Variants in FRMD1 observed in about 807,000 individuals in gnomAD.
The protein encoded by FRMD1 is FERM domain-containing protein 1.
FRMD1 carries 51 observed loss-of-function variants against 54.9 expected under a neutral mutation model. That is an observed-to-expected ratio of 0.93 (90% CI 0.74 to 1.17). The LOEUF (loss-of-function observed/expected upper bound fraction) is 1.17, where lower values mean the gene tolerates loss of function less well. Among genes scored for constraint, FRMD1 ranks in the 50% most tolerant of loss-of-function variants. The pLI, the probability that FRMD1 is intolerant of heterozygous loss-of-function variation, is 0.00. For synonymous variants in FRMD1, 324 were observed against 306.4 expected (o/e 1.06, Z -0.60); for missense variants, 729 against 743.0 (o/e 0.98, Z 0.22).
intron 1 of FRMD1, among the ~76,000 whole-genome samples, chr6:168,090,564 G>A (rs577133621): frequency 2.0e-5 from 3 of 152,318 alleles, no homozygotes; most frequent in South Asian, 2.1e-4. Flanking sequence ...GAGGCCTGTC[G>A]CAAGCCTGCA....
chr6:168,075,820 G>C, intron 1 of FRMD1: 1 of 1,547,136 alleles, frequency 6.5e-7, no homozygotes, highest in South Asian at 1.2e-5. Context: ...TAAACACCCA[G>C]CGTCTGGTGC....
At chr6:168,081,979 G>C (rs9455946), upstream of FRMD1, 44,832 of 154,732 alleles carry the variant, frequency 0.29, 7,483 homozygotes, top group South Asian at 0.55. Flanking sequence ...AAGCCTTCAA[G>C]ATACGGCAGG....
chr6:168,080,791 C>T (rs893188617), upstream of FRMD1, among the ~76,000 whole-genome samples: 3 of 151,718 alleles, frequency 2.0e-5, no homozygotes, highest in Non-Finnish European at 4.4e-5. Flanking sequence ...CGATGGTTCC[C>T]CACGTGTGTG....
At position 168,078,939 on chromosome 6, in the gene FRMD1, T is replaced by G. The variant is rs569417606; in HGVS notation, c.156A>C (p.Glu52Asp). 6.8e-6 allele frequency: 11 copies of G among 1,609,196 alleles called. No individual in the cohort carries two copies. In the South Asian group the frequency reaches 1.2e-4, roughly 18 times the overall value. ...PTLGMDAMASEHRDVLVLLPS... is the reference protein window; with the variant it reads ...PTLGMDAMASDHRDVLVLLPS... ...GCAGCAGCACGAGGACATCCCTGTGTTCCGAGGCCATCGCGTCCATTCCCA... is the reference window on the plus strand; with the variant it reads ...GCAGCAGCACGAGGACATCCCTGTGGTCCGAGGCCATCGCGTCCATTCCCA... The change falls in exon 1 of 11, where the codon GAA becomes GAC. Residue 52 changes from glutamate (E) to aspartate (D), a missense_variant. Glu to Asp is a conservative substitution (Grantham distance 45, BLOSUM62 2). Coordinates refer to ENST00000283309, the MANE Select transcript of FRMD1 (RefSeq NM_024919.6).
chr6:168,062,963 G>A lies in FRMD1; in HGVS notation c.805-4C>T. 6.2e-7 allele frequency: 1 copy of A among 1,613,568 alleles called. No individual in the cohort carries two copies. The highest frequency in any genetic ancestry group is 8.5e-7 in the Non-Finnish European group (1 of 1,179,500). On this transcript the variant is annotated splice_region_variant and splice_polypyrimidine_tract_variant and intron_variant, in intron 6 of 10. Transcript: ENST00000283309. ...TGGGACGACCTTCCTTCTTATCCTAGAGGACACAGGTCAGAGGTCAAGTTG... is the reference window on the plus strand; with the variant it reads ...TGGGACGACCTTCCTTCTTATCCTAAAGGACACAGGTCAGAGGTCAAGTTG...
chr6:168,078,768 GGCCCTGCTC>G, intron 1 of FRMD1, 105 bp downstream of exon 1: 3 of 79,006 alleles, frequency 3.8e-5, no homozygotes, highest in East Asian at 2.1e-4. Context: ...GGCCATCCAG[GGCCCTGCTC>G]ACCCCCACGG....
Position 168,059,092 on chromosome 6 carries a change from C to T in FRMD1, c.1407+32G>A. ...AGGAGAAGGGGGTGGAGGAGCAGGG[C>T]CAGGGCTTCTGGCCCGTGGGGGGGA... On this transcript the variant is annotated intron_variant, in intron 10 of 10. Transcript: ENST00000283309. The surrounding 1 kb of genome is among the most constrained non-coding windows in gnomAD (Gnocchi z 4.4). 6 of 1,528,822 alleles carry T rather than the reference C, an allele frequency of 3.9e-6. No homozygotes were observed. Among genetic ancestry groups the T allele is most frequent in the South Asian group, 1.2e-5 (1 of 84,176 alleles). 94.7% of individuals were successfully genotyped at this position (1,528,822 alleles called of 1,614,324 possible). A position where few individuals can be genotyped will look rare whatever the true frequency, so the allele number is the denominator to read the frequency against.
At chr6:168,058,920 G>C (rs974264043) in intron 10 of FRMD1, among the ~76,000 whole-genome samples, 90 of 152,148 alleles carry the variant, frequency 5.9e-4, no homozygotes, top group African/African-American at 2.1e-3. Flanking sequence ...ACTCGGCCCT[G>C]AGGCTGAGGC....
At chr6:168,064,134 G>A (rs1416704316) in intron 5 of FRMD1, among the ~76,000 whole-genome samples, 1 of 152,228 alleles carries the variant, frequency 6.6e-6, no homozygotes, top group African/African-American at 2.4e-5. Context: ...CACTGAGGGT[G>A]GAAATGTGCT....
chr6:168,084,919 A>G (rs1465217277), upstream of FRMD1, among the ~76,000 whole-genome samples: 1 of 152,126 alleles, frequency 6.6e-6, no homozygotes, highest in Non-Finnish European at 1.5e-5. Flanking sequence ...TGGCAGCAGA[A>G]AAGGTTGAGG....
chr6:168,086,509 G>A (rs1188245389), upstream of FRMD1, among the ~76,000 whole-genome samples: 7 of 143,720 alleles, frequency 4.9e-5, no homozygotes, highest in Admixed American at 2.1e-4. Context: ...CATCCACAGC[G>A]TGGACACTGC....
At position 168,057,283 on chromosome 6, in the gene FRMD1, G is replaced by A. The variant is rs1413353783; in HGVS notation, c.1464C>T (p.Asp488=). ...SEEQHSHGLD[D]MQLHQLALHP... is the part of the protein sequence containing the mutation. ...GCAGGGCCAGCTGGTGCAGCTGCATGTCGTCCAGGCCATGGCTGTGCTGCT... is the reference window on the plus strand; with the variant it reads ...GCAGGGCCAGCTGGTGCAGCTGCATATCGTCCAGGCCATGGCTGTGCTGCT... Residue 488 remains aspartate, a synonymous_variant, in exon 11 of 11, where the codon GAC becomes GAT. Coordinates refer to ENST00000283309, the MANE Select transcript of FRMD1 (RefSeq NM_024919.6). The A allele has an allele frequency of 3.7e-6, 6 of 1,612,556 alleles. No homozygotes were observed. Among genetic ancestry groups the A allele is most frequent in the Non-Finnish European group, 3.4e-6 (4 of 1,179,740 alleles).
chr6:168,065,649 A>G, intron 4 of FRMD1: 1 of 986,542 alleles, frequency 1.0e-6, no homozygotes, highest in Non-Finnish European at 1.2e-6. Context: ...AGAACCTTCC[A>G]CATATTCACA....
At chr6:168,082,401 C>T (rs940962718), upstream of FRMD1, among the ~76,000 whole-genome samples, 1 of 152,218 alleles carries the variant, frequency 6.6e-6, no homozygotes, top group Non-Finnish European at 1.5e-5. Flanking sequence ...CACCCGACCC[C>T]TCCTGGCTGA....
chr6:168,062,985 G>T (rs762364579), intron 6 of FRMD1, 26 bp from the exon 7 acceptor site: 17 of 1,604,022 alleles, frequency 1.1e-5, no homozygotes, highest in Non-Finnish European at 1.5e-5. Flanking sequence ...CAGAGGTCAA[G>T]TTGCAGGCCT....
In FRMD1 at chr6:168,054,660, C is replaced by G. The variant is rs892084370; in HGVS notation, c.*2437G>C. 4 of 152,162 alleles carry G rather than the reference C, an allele frequency of 2.6e-5. No homozygotes were observed. Among genetic ancestry groups the G allele is most frequent in the African/African-American group, 9.7e-5 (4 of 41,420 alleles). The allele number at this position is 152,162 out of a possible 1,614,324, so 9.4% of individuals were successfully genotyped here. On this transcript the variant is annotated 3_prime_UTR_variant, in exon 11 of 11. Coordinates refer to ENST00000283309, the MANE Select transcript of FRMD1 (RefSeq NM_024919.6). ...AAAATAGCCGTATTGCCTAAAAGAC[C>G]TCTGATCTCAATCTGTGCAAAAAGA... is the stretch of plus-strand genomic sequence containing the variant.
chr6:168,081,333 C>G, upstream of FRMD1: 1 of 1,517,632 alleles, frequency 6.6e-7, no homozygotes, highest in Non-Finnish European at 8.8e-7. Flanking sequence ...GGCCCCAACA[C>G]TGACCCCACC....
chr6:168,081,419 C>T (rs538377388), upstream of FRMD1: 1,227 of 1,535,508 alleles, frequency 8.0e-4, 14 homozygotes, highest in South Asian at 7.8e-3. Flanking sequence ...ATGTCAGGGC[C>T]GGGCAGTGGA....
rs556765257 is a variant in FRMD1, at chr6:168,077,492, G to A, written c.213+1390C>T. Among the ~76,000 whole-genome samples, 342 of 145,444 alleles carry A rather than the reference G, an allele frequency of 2.4e-3. 3 individuals carry two copies. The highest frequency in any genetic ancestry group is 7.8e-3 in the African/African-American group (306 of 38,994). On this transcript the variant is annotated intron_variant, in intron 1 of 10. Coordinates refer to ENST00000283309, the MANE Select transcript of FRMD1 (RefSeq NM_024919.6). ...CCTGTGGGGGGGTTCCTGTCTAACTGCAGACATAGATGACTGCACAACCCA... is the reference window on the plus strand; with the variant it reads ...CCTGTGGGGGGGTTCCTGTCTAACTACAGACATAGATGACTGCACAACCCA...
Sources: gnomAD v4.1 joint callset for allele counts (sites outside exome capture counted in the v4.1 genomes callset) on GRCh38, gnomAD v4.1.1 for gene constraint, Gnocchi (gnomAD v3.1) non-coding constraint, MANE v1.5 for transcripts, NCBI Gene and HGNC (gene_info 2026-07-23, HGNC 2026-07-21) for gene names.